Variants in STON1 observed in about 807,000 individuals in gnomAD.
STON1 encodes the protein stonin-1.
Under a neutral mutation model 60.9 loss-of-function variants are expected in STON1, and 79 were observed. The ratio of observed to expected loss-of-function variants is 1.30; its 90% CI spans 1.08 to 1.56. The LOEUF (loss-of-function observed/expected upper bound fraction) is 1.56. STON1 is among the 40% of genes most tolerant of loss of function. STON1 has a pLI of 0.00. For missense variants in STON1, 1,166 were observed against 858.9 expected, an observed-to-expected ratio of 1.36 and a Z score of -4.47; for synonymous variants, 363 against 306.9, an observed-to-expected ratio of 1.18 and a Z score of -1.91.
chr2:48,580,757 C>T lies in STON1; in HGVS notation c.124C>T (p.Leu42=). 1 of 1,556,174 alleles carries T rather than the reference C, an allele frequency of 6.4e-7. No homozygotes were observed. The highest frequency in any genetic ancestry group is 8.7e-7 in the Non-Finnish European group (1 of 1,152,392). Reference sequence around the variant, plus strand: ...TGTCTGTAGACCAAATGGACTGAAGCTGAACCTTCCTGGCCTCAGGGAATT... The same window carrying T: ...TGTCTGTAGACCAAATGGACTGAAGTTGAACCTTCCTGGCCTCAGGGAATT... The part of the protein sequence containing the change: ...QGVCRPNGLK[L]NLPGLREFPS... The change falls in exon 2 of 4, where the codon CTG becomes TTG. Residue 42 remains leucine (L), a synonymous_variant. Coordinates refer to ENST00000404752, the MANE Select transcript of STON1 (RefSeq NM_006873.4).
chr2:48,590,636 A>AACACACACACACACACACACACAC (rs6146756), intron 2 of STON1, among the ~76,000 whole-genome samples: 5,001 of 142,014 alleles, frequency 0.035, 186 homozygotes, highest in East Asian at 0.075. Flanking sequence ...ATTTCCTTAT[A>AACACACACACACACACACACACAC]ACACACACAC....
intron 2 of STON1, among the ~76,000 whole-genome samples, chr2:48,586,651 G>A (rs1674224276): frequency 6.6e-6 from 1 of 152,180 alleles, no homozygotes; most frequent in African/African-American, 2.4e-5. Flanking sequence ...GAAGAGACCA[G>A]TGTATTAAGA....
chr2:48,560,717 G>C (rs1234569449), intron 1 of STON1, among the ~76,000 whole-genome samples: 1 of 152,208 alleles, frequency 6.6e-6, no homozygotes, highest in Non-Finnish European at 1.5e-5. Flanking sequence ...CACAGCTGCA[G>C]TGAGCACAGC....
intron 2 of STON1, among the ~76,000 whole-genome samples, chr2:48,585,440 G>T (rs1309997801): frequency 6.6e-6 from 1 of 151,940 alleles, no homozygotes; most frequent in Non-Finnish European, 1.5e-5. Flanking sequence ...GTAGAGATGG[G>T]GTTTCACCAT....
intron 1 of STON1, among the ~76,000 whole-genome samples, chr2:48,540,642 T>G (rs1183347264): frequency 6.6e-6 from 1 of 152,226 alleles, no homozygotes; most frequent in Non-Finnish European, 1.5e-5. Context: ...TAAGTAACTT[T>G]CCCTGAGTTC....
intron 3 of STON1, among the ~76,000 whole-genome samples, chr2:48,593,581 C>T (rs1674645059): frequency 3.9e-5 from 6 of 152,054 alleles, no homozygotes; most frequent in Admixed American, 3.3e-4. Context: ...TTAAATTTTG[C>T]CTGTTACACA....
At chr2:48,575,649 G>A (rs866946194) in intron 1 of STON1, among the ~76,000 whole-genome samples, 15 of 137,482 alleles carry the variant, frequency 1.1e-4, no homozygotes, top group South Asian at 2.1e-4. Context: ...GCAAAACTCC[G>A]TCTCAAAAAT....
chr2:48,568,395 G>T (rs746790388), intron 1 of STON1, among the ~76,000 whole-genome samples: 1 of 152,132 alleles, frequency 6.6e-6, no homozygotes, highest in African/African-American at 2.4e-5. Flanking sequence ...ACAGGAGAAG[G>T]TAGAACTTCA....
At chr2:48,554,187 G>A (rs1672213809) in intron 1 of STON1, among the ~76,000 whole-genome samples, 1 of 152,144 alleles carries the variant, frequency 6.6e-6, no homozygotes, top group Non-Finnish European at 1.5e-5. Context: ...GCTTCCTGAG[G>A]AGGCTGGGTG....
In STON1 at chr2:48,581,056, A is replaced by G. The variant is rs1673851077; in HGVS notation, c.423A>G (p.Ser141=). The G allele has an allele frequency of 1.3e-6, 2 of 1,593,926 alleles. No individual in the cohort carries two copies. Among genetic ancestry groups the G allele is most frequent in the Non-Finnish European group, 1.7e-6 (2 of 1,172,082 alleles). The change falls in exon 2 of 4, where the codon TCA becomes TCG. Residue 141 remains serine (S), a synonymous_variant. Coordinates refer to ENST00000404752, the MANE Select transcript of STON1 (RefSeq NM_006873.4). ...LSHALLPSDH[S]CTHPTPKVGL... Reference sequence around the variant, plus strand: ...ATGCCTTGTTACCCAGTGACCACTCATGTACACATCCAACTCCCAAAGTAG... The same window carrying G: ...ATGCCTTGTTACCCAGTGACCACTCGTGTACACATCCAACTCCCAAAGTAG...
rs1674798116 is a variant in STON1 at position 48,596,763 on chromosome 2, G to T, written c.*1461G>T. The T allele has an allele frequency of 6.6e-6, 1 of 152,062 alleles. No homozygotes were observed. The allele number at this position is 152,062 out of a possible 1,614,324, so 9.4% of individuals were successfully genotyped here. On this transcript the variant is annotated 3_prime_UTR_variant, in exon 4 of 4. Coordinates refer to ENST00000404752, the MANE Select transcript of STON1 (RefSeq NM_006873.4). ...CATTTATGATGGTCTGTATCAATCAGCAGATTTTATTGCTTTTCATTATTT... is the reference window on the plus strand; with the variant it reads ...CATTTATGATGGTCTGTATCAATCATCAGATTTTATTGCTTTTCATTATTT...
chr2:48,543,962 G>A (rs953136605), intron 1 of STON1, among the ~76,000 whole-genome samples: 4 of 152,180 alleles, frequency 2.6e-5, no homozygotes, highest in Admixed American at 2.6e-4. Flanking sequence ...AGTAGGTGGG[G>A]GTAGGGAATC....
chr2:48,592,001 T>C (rs895753629), intron 3 of STON1, 146 bp downstream of exon 3: 28 of 1,087,176 alleles, frequency 2.6e-5, no homozygotes, highest in Middle Eastern at 4.7e-4. Context: ...GGAAACTTGA[T>C]GGCCACCATT....
At chr2:48,558,138 G>T (rs914269562) in intron 1 of STON1, among the ~76,000 whole-genome samples, 15 of 152,186 alleles carry the variant, frequency 9.9e-5, no homozygotes, top group Non-Finnish European at 1.9e-4. Context: ...CAGAAGAATC[G>T]CTTGAACCCG....
At chr2:48,578,871 G>T (rs567872316) in intron 1 of STON1, among the ~76,000 whole-genome samples, 1 of 151,962 alleles carries the variant, frequency 6.6e-6, no homozygotes, top group African/African-American at 2.4e-5. Flanking sequence ...GATTATAGGC[G>T]TGAGCCACTG....
chr2:48,545,526 G>A (rs79591643), intron 1 of STON1, among the ~76,000 whole-genome samples: 10,757 of 152,174 alleles, frequency 0.071, 540 homozygotes, highest in Non-Finnish European at 0.11. Context: ...TGATTCTTTC[G>A]AGGGCTGCCT....
chr2:48,534,247 T>A (rs1355685172), intron 1 of STON1, among the ~76,000 whole-genome samples: 1 of 152,208 alleles, frequency 6.6e-6, no homozygotes, highest in Non-Finnish European at 1.5e-5. Flanking sequence ...AGCTAACATT[T>A]ACTGAGAACT....
intron 1 of STON1, among the ~76,000 whole-genome samples, chr2:48,550,976 A>T (rs10865230): frequency 0.34 from 50,971 of 151,610 alleles, 8,753 homozygotes; most frequent in South Asian, 0.39. Flanking sequence ...CTTAAAAAAA[A>T]TTTTTTGTAA....
chr2:48,573,877 G>A (rs1157948947), intron 1 of STON1, among the ~76,000 whole-genome samples: 1 of 152,194 alleles, frequency 6.6e-6, no homozygotes, highest in Admixed American at 6.5e-5. Flanking sequence ...GCTACCACAT[G>A]GATGACCTTG....
Sources: allele counts gnomAD v4.1 joint callset (sites outside exome capture counted in the v4.1 genomes callset), GRCh38; gene constraint gnomAD v4.1.1; transcripts MANE v1.5; gene names NCBI Gene and HGNC (gene_info 2026-07-23, HGNC 2026-07-21).